Variants in GARNL3 observed in about 807,000 individuals in gnomAD.
GARNL3 encodes GTPase-activating Rap/Ran-GAP domain-like protein 3.
In GARNL3, 63 loss-of-function variants were observed where a neutral mutation model predicts 125.0. The observed-to-expected ratio is 0.50, with a 90% CI of 0.41 to 0.62. The LOEUF (loss-of-function observed/expected upper bound fraction) is 0.62. GARNL3 is among the 20% of genes least tolerant of loss of function. The pLI is 0.00. For synonymous variants in GARNL3, 439 were observed against 457.5 expected, an observed-to-expected ratio of 0.96 and a Z score of 0.52; for missense variants, 994 against 1,244.0, an observed-to-expected ratio of 0.80 and a Z score of 3.02.
chr9:127,235,221 C>T lies in GARNL3; in HGVS notation c.-28-7858C>T, dbSNP rs184947189. On this transcript the variant is annotated intron_variant, in intron 1 of 10. Coordinates refer to the GARNL3 transcript ENST00000439286. ...TTCAAAATCTAGTATGCATTTTACA[C>T]TTATAGCACATCTCACTTCAGGCTA... Among the ~76,000 whole-genome samples, 51 of 150,894 alleles carry T rather than the reference C, an allele frequency of 3.4e-4. No individual in the cohort carries two copies. In the South Asian group the frequency reaches 6.6e-3, roughly 20 times the overall value.
chr9:127,343,800 C>T (rs542109041), intron 14 of GARNL3, among the ~76,000 whole-genome samples: 103 of 152,290 alleles, frequency 6.8e-4, no homozygotes, highest in Admixed American at 4.6e-3. Flanking sequence ...CACTGAGATT[C>T]GGAAATTAAC....
intron 1 of GARNL3, among the ~76,000 whole-genome samples, chr9:127,276,153 AATTG>A (rs2063950598): frequency 6.7e-6 from 1 of 149,938 alleles, no homozygotes; most frequent in Admixed American, 6.6e-5. Context: ...TAACATTTTG[AATTG>A]ATTGATTGAT....
At chr9:127,248,596 CTTTTTTTTTT>C (rs745331884) in intron 2 of GARNL3, among the ~76,000 whole-genome samples, 114 of 74,568 alleles carry the variant, frequency 1.5e-3, no homozygotes, top group Non-Finnish European at 2.1e-3. Flanking sequence ...TTTTTCTTTT[CTTTTTTTTTT>C]TTTTTTTTTT....
intron 22 of GARNL3, among the ~76,000 whole-genome samples, chr9:127,380,652 C>G (rs972893273): frequency 6.6e-6 from 1 of 152,114 alleles, no homozygotes; most frequent in Non-Finnish European, 1.5e-5. Context: ...TCGAAAACAT[C>G]GAGCTCAGTC....
rs554741680 is a variant in GARNL3, at chr9:127,278,876, G to A, written c.145-12292G>A. ...TTGTAGCTGCGTCACTCCAGTCTCT[G>A]CCTCTGTTATCACATCGCCTTCTCT... On this transcript the variant is annotated intron_variant, in intron 1 of 27. Coordinates refer to ENST00000373387, the MANE Select transcript of GARNL3 (RefSeq NM_032293.5). 3.9e-5 allele frequency among the ~76,000 whole-genome samples: 6 copies of A among 152,220 alleles called. No homozygotes were observed. In the East Asian group the frequency reaches 9.6e-4, roughly 24 times the overall value.
At chr9:127,378,864 C>T (rs1832088496) in intron 22 of GARNL3, among the ~76,000 whole-genome samples, 2 of 152,174 alleles carry the variant, frequency 1.3e-5, no homozygotes, top group South Asian at 4.1e-4. Flanking sequence ...CAACCTCCGC[C>T]TCCCAAGTCC....
chr9:127,288,565 C>T (rs188132226), intron 1 of GARNL3, among the ~76,000 whole-genome samples: 37 of 152,232 alleles, frequency 2.4e-4, no homozygotes, highest in Admixed American at 5.9e-4. Context: ...GAAATGGTAA[C>T]GGTGATAGTC....
chr9:127,280,933 AG>A lies in GARNL3; in HGVS notation c.145-10234del, dbSNP rs1407021987. Reference sequence around the variant, plus strand: ...ATGGGAAGTACAAAAATAATGGCTCAGAAGATTGGATGGTGGTGAGGATCTA... The same window carrying A: ...ATGGGAAGTACAAAAATAATGGCTCAAAGATTGGATGGTGGTGAGGATCTA... On this transcript the variant is annotated intron_variant, in intron 1 of 27. Transcript: ENST00000373387. The surrounding 1 kb of genome is among the most constrained non-coding windows in gnomAD (Gnocchi z 4.5). 6.6e-6 allele frequency among the ~76,000 whole-genome samples: 1 copy of A among 152,206 alleles called. No individual in the cohort carries two copies. The highest frequency in any genetic ancestry group is 1.5e-5 in the Non-Finnish European group (1 of 68,038).
upstream of GARNL3, among the ~76,000 whole-genome samples, chr9:127,259,761 A>T (rs1340680994): frequency 2.0e-5 from 3 of 152,096 alleles, no homozygotes; most frequent in Admixed American, 1.3e-4. Flanking sequence ...AGCTGGCTGG[A>T]TGTGGTGGCT....
At chr9:127,375,391 G>A (rs542416232) in intron 22 of GARNL3, among the ~76,000 whole-genome samples, 54 of 151,788 alleles carry the variant, frequency 3.6e-4, no homozygotes, top group African/African-American at 1.2e-3. Flanking sequence ...GCTGGAACCC[G>A]GGAGGCAGAG....
intron 7 of GARNL3, among the ~76,000 whole-genome samples, chr9:127,329,650 G>T (rs1314947757): frequency 6.6e-6 from 1 of 151,966 alleles, no homozygotes; most frequent in Admixed American, 6.6e-5. Flanking sequence ...GTGGTAGTAG[G>T]CCCCATCTCT....
At chr9:127,353,774 C>A in intron 17 of GARNL3, 72 bp from the exon 18 acceptor site, 1 of 999,386 alleles carries the variant, frequency 1.0e-6, no homozygotes, top group Non-Finnish European at 1.6e-6. Context: ...AAACTACCCA[C>A]AGGCACGTTT....
At position 127,333,935 on chromosome 9, in the gene GARNL3, C is replaced by G. The variant is rs138694332; in HGVS notation, c.769+814C>G. On this transcript the variant is annotated intron_variant, in intron 9 of 27. Coordinates refer to ENST00000373387, the MANE Select transcript of GARNL3 (RefSeq NM_032293.5). Reference sequence around the variant, plus strand: ...GCAGACAGGGGAGGCAGAGGAGAAGCCTGCTCTCAGAGGCTGTGGCAACAG... The same window carrying G: ...GCAGACAGGGGAGGCAGAGGAGAAGGCTGCTCTCAGAGGCTGTGGCAACAG... Among the ~76,000 whole-genome samples the G allele has an allele frequency of 3.1e-4, 47 of 152,230 alleles. No homozygotes were observed. In the East Asian group the frequency reaches 8.7e-3, roughly 28 times the overall value.
chr9:127,345,472 A>T lies in GARNL3; in HGVS notation c.1426A>T (p.Lys476Ter), dbSNP rs1286076594. 8 of 1,591,894 alleles carry T rather than the reference A, an allele frequency of 5.0e-6. No individual in the cohort carries two copies. The highest frequency in any genetic ancestry group is 6.9e-6 in the Non-Finnish European group (8 of 1,165,410). The change falls in exon 16 of 28, where the codon AAA (lysine) becomes TAA (stop). Residue 476 changes from lysine to a stop codon, truncating the protein, a stop_gained. Coordinates refer to ENST00000373387, the MANE Select transcript of GARNL3 (RefSeq NM_032293.5). LOFTEE classifies it high-confidence loss of function. ...SSLAASGICKKEPWEPQCFCS... is the reference protein window; with the variant it reads ...SSLAASGICK ...CTTGGCAGCTTCAGGGATCTGTAAA[A>T]AAGAGGTGAGTTCATGATACTTTCA...
intron 7 of GARNL3, among the ~76,000 whole-genome samples, chr9:127,325,672 C>G (rs1426632082): frequency 2.0e-5 from 3 of 152,116 alleles, no homozygotes; most frequent in African/African-American, 4.8e-5. Context: ...CTCTCTCATC[C>G]TATATCTAAC....
At chr9:127,327,295 A>G (rs1393528869) in intron 7 of GARNL3, among the ~76,000 whole-genome samples, 1 of 152,178 alleles carries the variant, frequency 6.6e-6, no homozygotes, top group East Asian at 1.9e-4. Context: ...AAGTAAACAA[A>G]CAAACAGAAA....
chr9:127,266,023 G>A lies in GARNL3; in HGVS notation c.144+1002G>A, dbSNP rs540343620. 2.2e-4 allele frequency among the ~76,000 whole-genome samples: 34 copies of A among 152,300 alleles called. No homozygotes were observed. The highest frequency in any genetic ancestry group is 1.1e-3 in the Admixed American group (17 of 15,300). ...AAGGAGCTTACTGTCCTCTGGCTGG[G>A]CAGATAAGACACATAAAATATCTGA... On this transcript the variant is annotated intron_variant, in intron 1 of 27. Coordinates refer to ENST00000373387, the MANE Select transcript of GARNL3 (RefSeq NM_032293.5). This position sits in a 1 kb window ranked among gnomAD's most constrained non-coding sequence, Gnocchi z 4.0.
intron 24 of GARNL3, among the ~76,000 whole-genome samples, chr9:127,386,066 T>C (rs1832527325): frequency 6.6e-6 from 1 of 152,242 alleles, no homozygotes; most frequent in Non-Finnish European, 1.5e-5. Context: ...AAAATCCACT[T>C]AGCCAATTGG....
At chr9:127,351,138 G>A (rs1416332632) in intron 17 of GARNL3, among the ~76,000 whole-genome samples, 1 of 152,098 alleles carries the variant, frequency 6.6e-6, no homozygotes, top group East Asian at 1.9e-4. Context: ...TGCCCTTTTG[G>A]GAAAGAGAAA....
Sources: allele counts gnomAD v4.1 joint callset (sites outside exome capture counted in the v4.1 genomes callset), GRCh38; gene constraint gnomAD v4.1.1; non-coding constraint Gnocchi (gnomAD v3.1); transcripts MANE v1.5; gene names NCBI Gene and HGNC (gene_info 2026-07-23, HGNC 2026-07-21).